Variants in STOX1 observed in about 807,000 individuals in gnomAD.
STOX1 encodes storkhead-box protein 1.
STOX1 carries 57 observed loss-of-function variants against 74.8 expected under a neutral mutation model. The ratio of observed to expected loss-of-function variants is 0.76; its 90% confidence interval spans 0.62 to 0.95. STOX1 has a LOEUF of 0.95. Among genes scored for constraint, STOX1 ranks in the 40% least tolerant of loss-of-function variants. The pLI, the probability that STOX1 is intolerant of heterozygous loss-of-function variation, is 0.00. For missense variants in STOX1, 1,010 were observed against 1,117.0 expected (o/e 0.90, Z 1.37); for synonymous variants, 375 against 401.3 (o/e 0.93, Z 0.78).
chr10:68,851,914 A>G (rs1329151671), intron 1 of STOX1, among the ~76,000 whole-genome samples: 1 of 152,134 alleles, frequency 6.6e-6, no homozygotes, highest in African/African-American at 2.4e-5. Context: ...CGGGCAGATC[A>G]CCTGAGTTCA....
In STOX1 at chr10:68,827,741, T is replaced by C. The variant is rs1296415320; in HGVS notation, c.118T>C (p.Phe40Leu). ...TGGTGGGCGCGCGGTGTTCCGCGCT[T>C]TCCGTCGCGCCAACGCGCGCTGCTT... ...EPGGRAVFRA[F>L]RRANARCFWN... Residue 40 changes from phenylalanine (F) to leucine (L), a missense_variant, in exon 1 of 4, where the codon TTC (phenylalanine) becomes CTC (leucine). Coordinates refer to ENST00000298596, the MANE Select transcript of STOX1 (RefSeq NM_152709.5). 1 of 804,172 alleles carries C rather than the reference T, an allele frequency of 1.2e-6. No homozygotes were observed. The allele number at this position is 804,172 out of a possible 1,614,324, so 49.8% of individuals were successfully genotyped here. A position where few individuals can be genotyped will look rare whatever the true frequency, so the allele number is the denominator to read the frequency against.
At chr10:68,843,204 C>A (rs1839739743) in intron 1 of STOX1, among the ~76,000 whole-genome samples, 1 of 151,842 alleles carries the variant, frequency 6.6e-6, no homozygotes, top group East Asian at 1.9e-4. Context: ...ACACCAGCTA[C>A]TTTTTTTTGT....
At chr10:68,860,270 T>G (rs12766549) in intron 1 of STOX1, among the ~76,000 whole-genome samples, 37,563 of 149,198 alleles carry the variant, frequency 0.25, 5,010 homozygotes, top group Admixed American at 0.31. Context: ...TCTGTCTCGG[T>G]GGGGGAAAGA....
At chr10:68,856,183 T>G (rs1231911262) in intron 1 of STOX1, among the ~76,000 whole-genome samples, 1 of 152,096 alleles carries the variant, frequency 6.6e-6, no homozygotes, top group Non-Finnish European at 1.5e-5. Context: ...GTGCTGGGAT[T>G]AGAGGTGTGA....
intron 1 of STOX1, among the ~76,000 whole-genome samples, chr10:68,831,134 C>G (rs1174408279): frequency 6.6e-6 from 1 of 152,114 alleles, no homozygotes; most frequent in Non-Finnish European, 1.5e-5. Context: ...GAGCAAAATG[C>G]TAGAAAAGGA....
At chr10:68,869,987 C>T (rs1034752473) in intron 1 of STOX1, among the ~76,000 whole-genome samples, 1 of 152,108 alleles carries the variant, frequency 6.6e-6, no homozygotes, top group African/African-American at 2.4e-5. Context: ...TGGATTAGAA[C>T]CCCAATACCC....
At position 68,863,429 on chromosome 10, in the gene STOX1, GA is replaced by G. The variant is rs964375765; in HGVS notation, c.311-18519del. ...CATAATAGGGCCAGATACCCAAAAG[GA>G]AAAAAAAAACAGATGAGGAATGCAC... is the stretch of plus-strand genomic sequence containing the variant. On this transcript the variant is annotated intron_variant, in intron 1 of 3. Transcript: ENST00000298596. Among the ~76,000 whole-genome samples the G allele has an allele frequency of 9.4e-4, 139 of 147,980 alleles. 5 individuals are homozygous for G. The East Asian group carries it at 0.024, about 25-fold the overall frequency.
intron 1 of STOX1, among the ~76,000 whole-genome samples, chr10:68,833,029 C>CA (rs1176806710): frequency 1.3e-5 from 2 of 150,974 alleles, no homozygotes; most frequent in African/African-American, 4.9e-5. Flanking sequence ...CTCTGCCTCT[C>CA]AAAGTGCTGG....
chr10:68,891,635 G>A (rs28488691), intron 3 of STOX1, among the ~76,000 whole-genome samples: 6 of 151,588 alleles, frequency 4.0e-5, no homozygotes, highest in Non-Finnish European at 2.9e-5. Flanking sequence ...AACCCCGTCT[G>A]TACTAAAAAT....
chr10:68,877,211 A>G (rs924675804), intron 1 of STOX1, among the ~76,000 whole-genome samples: 1 of 152,092 alleles, frequency 6.6e-6, no homozygotes, highest in African/African-American at 2.4e-5. Context: ...TTAAGGGGGG[A>G]AAAAAGGCAA....
At chr10:68,865,825 C>A (rs1402184083) in intron 1 of STOX1, among the ~76,000 whole-genome samples, 1 of 152,064 alleles carries the variant, frequency 6.6e-6, no homozygotes, top group South Asian at 2.1e-4. Flanking sequence ...AGGGGATTCC[C>A]TTTTGAAGCT....
chr10:68,878,871 T>TA (rs1347651925), intron 1 of STOX1, among the ~76,000 whole-genome samples: 2 of 152,240 alleles, frequency 1.3e-5, no homozygotes, highest in African/African-American at 2.4e-5. Flanking sequence ...TCCTTCTGGC[T>TA]ATACTTGACT....
At chr10:68,890,798 A>G (rs1759609003) in intron 3 of STOX1, among the ~76,000 whole-genome samples, 1 of 151,446 alleles carries the variant, frequency 6.6e-6, no homozygotes, top group Admixed American at 6.6e-5. Flanking sequence ...TTACAGGCAC[A>G]CGCCACCACG....
chr10:68,853,676 TTTTTTTG>T (rs779898845), intron 1 of STOX1, among the ~76,000 whole-genome samples: 34 of 152,162 alleles, frequency 2.2e-4, no homozygotes, highest in East Asian at 5.8e-4. Context: ...CCTTTCATTT[TTTTTTTG>T]TTTTTTGTTT....
intron 1 of STOX1, among the ~76,000 whole-genome samples, chr10:68,875,548 C>T (rs1251725054): frequency 6.6e-6 from 1 of 152,140 alleles, no homozygotes; most frequent in East Asian, 1.9e-4. Flanking sequence ...GCTCTTTGAG[C>T]CCCTTGTTTT....
chr10:68,860,565 G>C (rs1463981040), intron 1 of STOX1, among the ~76,000 whole-genome samples: 3 of 83,590 alleles, frequency 3.6e-5, no homozygotes, highest in African/African-American at 1.7e-4. Flanking sequence ...GTGAGACTCT[G>C]TCTCAAAAAA....
At chr10:68,833,210 C>T (rs1191768053) in intron 1 of STOX1, among the ~76,000 whole-genome samples, 11 of 151,852 alleles carry the variant, frequency 7.2e-5, no homozygotes, top group African/African-American at 2.2e-4. Flanking sequence ...CTCAGCCTCC[C>T]GAGTAGCTGG....
In STOX1 at chr10:68,892,632, C is replaced by T. The variant is rs759086040; in HGVS notation, c.2866C>T (p.Leu956=). Reference sequence around the variant, plus strand: ...TAATAATTCAGTCATTTTGGATGGACTAAAAAGAAGACAGAATTTTCTGCA... The same window carrying T: ...TAATAATTCAGTCATTTTGGATGGATTAAAAAGAAGACAGAATTTTCTGCA... ...GSNNSVILDG[L]KRRQNFLQNV... is the part of the protein sequence containing the mutation. The change falls in exon 4 of 4, where the codon CTA becomes TTA. Residue 956 remains leucine (L), a synonymous_variant. Coordinates refer to ENST00000298596, the MANE Select transcript of STOX1 (RefSeq NM_152709.5). 10 of 1,613,442 alleles carry T rather than the reference C, an allele frequency of 6.2e-6. No individual in the cohort carries two copies. The highest frequency in any genetic ancestry group is 1.3e-5 in the African/African-American group (1 of 74,888).
chr10:68,844,955 G>A (rs1024719358), intron 1 of STOX1, among the ~76,000 whole-genome samples: 2 of 152,062 alleles, frequency 1.3e-5, no homozygotes, highest in Non-Finnish European at 2.9e-5. Flanking sequence ...TAGAGACAGA[G>A]TTTTGACATG....
Sources: gnomAD v4.1 joint callset for allele counts (sites outside exome capture counted in the v4.1 genomes callset) on GRCh38, gnomAD v4.1.1 for gene constraint, MANE v1.5 for transcripts, NCBI Gene and HGNC (gene_info 2026-07-23, HGNC 2026-07-21) for gene names.